Variants in LINGO2 observed in about 807,000 individuals in gnomAD.
LINGO2 encodes leucine-rich repeat and immunoglobulin-like domain-containing nogo receptor-interacting protein 2.
Under a neutral mutation model 30.6 loss-of-function variants are expected in LINGO2, and 14 were observed. The ratio of observed to expected loss-of-function variants is 0.46; its 90% confidence interval spans 0.30 to 0.72. LINGO2 has a LOEUF of 0.72. Among genes scored for constraint, LINGO2 ranks in the 30% least tolerant of loss-of-function variants. The pLI is 0.07. For missense variants in LINGO2, 729 were observed against 751.7 expected (o/e 0.97, Z 0.35); for synonymous variants, 317 against 288.5 (o/e 1.10, Z -1.00).
chr9:28,191,298 TA>T (rs1259495919), intron 4 of LINGO2, among the ~76,000 whole-genome samples: 1 of 152,206 alleles, frequency 6.6e-6, no homozygotes, highest in Admixed American at 6.5e-5. Context: ...TAGGCCTGTA[TA>T]AAACTGTTTC....
At chr9:28,841,766 G>T in the LINGO2 span, among the ~76,000 whole-genome samples, 1 of 151,588 alleles carries the variant, frequency 6.6e-6, no homozygotes, top group Non-Finnish European at 1.5e-5. Flanking sequence ...AGAGTTACAG[G>T]TATCAAACAA....
chr9:28,905,078 G>C, the LINGO2 span, among the ~76,000 whole-genome samples: 76 of 151,644 alleles, frequency 5.0e-4, no homozygotes, highest in African/African-American at 1.8e-3. Flanking sequence ...TACACAAGCA[G>C]AAAAAATGAA....
At chr9:28,436,220 T>A (rs1587671279) in intron 2 of LINGO2, among the ~76,000 whole-genome samples, 1 of 152,158 alleles carries the variant, frequency 6.6e-6, no homozygotes, top group Non-Finnish European at 1.5e-5. Context: ...AAATTTACTC[T>A]TTATATAATA....
intron 1 of LINGO2, among the ~76,000 whole-genome samples, chr9:28,615,566 T>C (rs2135802386): frequency 6.6e-6 from 1 of 152,210 alleles, no homozygotes; most frequent in Non-Finnish European, 1.5e-5. Context: ...TATAAATAAT[T>C]AACAACATAC....
intron 1 of LINGO2, among the ~76,000 whole-genome samples, chr9:28,649,080 G>A (rs1028676777): frequency 1.3e-5 from 2 of 152,006 alleles, no homozygotes; most frequent in African/African-American, 2.4e-5. Context: ...AACCTATATC[G>A]AACATAGTAA....
chr9:28,810,132 G>A, the LINGO2 span, among the ~76,000 whole-genome samples: 3 of 58,610 alleles, frequency 5.1e-5, no homozygotes, highest in African/African-American at 2.0e-4. Flanking sequence ...TCCATGAAAG[G>A]AAAATTAAGA....
At chr9:27,948,969 C>A in exon 6 of LINGO2, 1 of 1,613,952 alleles carries the variant, frequency 6.2e-7, no homozygotes, top group Non-Finnish European at 8.5e-7. Context: ...GCCTTTCCCT[C>A]GGCTCCACAC....
chr9:29,029,692 G>C, the LINGO2 span, among the ~76,000 whole-genome samples: 2 of 152,080 alleles, frequency 1.3e-5, no homozygotes, highest in Non-Finnish European at 2.9e-5. Context: ...GAAGAGAAAT[G>C]TAAGAAGCTA....
chr9:28,039,686 C>G (rs1335929428), intron 4 of LINGO2, among the ~76,000 whole-genome samples: 2 of 152,056 alleles, frequency 1.3e-5, no homozygotes. Flanking sequence ...GAGTATACTT[C>G]TGAGTGAAGG....
the LINGO2 span, among the ~76,000 whole-genome samples, chr9:28,776,589 C>T: frequency 1.3e-5 from 2 of 152,138 alleles, no homozygotes; most frequent in Admixed American, 6.5e-5. Context: ...GAGCTGTTTC[C>T]TTTCATGCAT....
At chr9:29,155,810 T>A in the LINGO2 span, among the ~76,000 whole-genome samples, 1 of 152,010 alleles carries the variant, frequency 6.6e-6, no homozygotes, top group Non-Finnish European at 1.5e-5. Context: ...AAATGACAGT[T>A]TATTCTGGAG....
At chr9:28,823,250 A>G in the LINGO2 span, among the ~76,000 whole-genome samples, 1 of 152,182 alleles carries the variant, frequency 6.6e-6, no homozygotes, top group East Asian at 1.9e-4. Context: ...TTATAAATAA[A>G]AGGATATATT....
At chr9:29,055,949 C>CACATATAT in the LINGO2 span, among the ~76,000 whole-genome samples, 1 of 123,138 alleles carries the variant, frequency 8.1e-6, no homozygotes, top group African/African-American at 3.1e-5. Flanking sequence ...TGTATATATA[C>CACATATAT]ATATATATGT....
the LINGO2 span, among the ~76,000 whole-genome samples, chr9:29,185,309 G>A: frequency 6.6e-6 from 1 of 152,108 alleles, no homozygotes; most frequent in Non-Finnish European, 1.5e-5. Flanking sequence ...GTCTCAAGGG[G>A]TGGGAAATAA....
chr9:28,732,951 C>G, the LINGO2 span, among the ~76,000 whole-genome samples: 1 of 152,192 alleles, frequency 6.6e-6, no homozygotes, highest in South Asian at 2.1e-4. Context: ...GCCAACAACC[C>G]TGTGTATGTT....
At chr9:29,040,067 C>G in the LINGO2 span, among the ~76,000 whole-genome samples, 1 of 151,990 alleles carries the variant, frequency 6.6e-6, no homozygotes, top group Non-Finnish European at 1.5e-5. Flanking sequence ...AAAGTGCTAA[C>G]TTTGAAAATT....
the LINGO2 span, among the ~76,000 whole-genome samples, chr9:28,755,737 C>A: frequency 6.6e-6 from 1 of 152,044 alleles, no homozygotes; most frequent in Non-Finnish European, 1.5e-5. Context: ...TCGTTTTCAA[C>A]AGAAGAAAAC....
At chr9:28,247,062 C>T (rs536019184) in intron 4 of LINGO2, among the ~76,000 whole-genome samples, 8 of 152,128 alleles carry the variant, frequency 5.3e-5, no homozygotes, top group Non-Finnish European at 1.0e-4. Flanking sequence ...TACCATCTCA[C>T]GCCAGTCAGA....
chr9:28,441,760 T>C (rs1824206161), intron 2 of LINGO2, among the ~76,000 whole-genome samples: 1 of 152,206 alleles, frequency 6.6e-6, no homozygotes, highest in Admixed American at 6.5e-5. Context: ...TTTTCCTTGA[T>C]GAATAGTCAA....
Sources: allele counts gnomAD v4.1 joint callset (sites outside exome capture counted in the v4.1 genomes callset), GRCh38; gene constraint gnomAD v4.1.1; transcripts MANE v1.5; gene names NCBI Gene and HGNC (gene_info 2026-07-23, HGNC 2026-07-21).